The following RAD50 variants were observed in gnomAD, a reference collection of about 807,000 sequenced individuals.
RAD50 encodes DNA repair protein RAD50.
In RAD50, 132 loss-of-function variants were observed where a neutral mutation model predicts 168.8. That is an observed-to-expected ratio of 0.78 (90% confidence interval 0.68 to 0.90). RAD50 has a LOEUF of 0.90. Among genes scored for constraint, RAD50 ranks in the 40% least tolerant of loss-of-function variants. The pLI is 0.00. For missense variants in RAD50, 1,347 were observed against 1,534.4 expected (o/e 0.88, Z 2.04); for synonymous variants, 525 against 497.4 (o/e 1.06, Z -0.74).
intron 2 of RAD50, among the ~76,000 whole-genome samples, chr5:132,559,594 T>TC (rs761647666): frequency 5.8e-4 from 89 of 152,326 alleles, no homozygotes; most frequent in Non-Finnish European, 1.0e-3. Context: ...TGGGTTTTTT[T>TC]CCCCACTTAA....
chr5:132,591,753 A>G (rs936334323), intron 10 of RAD50, 124 bp from the exon 11 acceptor site: 68 of 758,220 alleles, frequency 9.0e-5, no homozygotes, highest in Non-Finnish European at 1.3e-4. Context: ...GAAATTTTAT[A>G]TTTTATTTTC....
At chr5:132,586,183 T>C (rs1418205144) in intron 5 of RAD50, among the ~76,000 whole-genome samples, 3 of 152,172 alleles carry the variant, frequency 2.0e-5, no homozygotes, top group African/African-American at 7.2e-5. Flanking sequence ...AAAGTTGAGG[T>C]TTACTTTCTT....
Position 132,579,983 on chromosome 5 carries a change from G to A in RAD50, c.673G>A (p.Asp225Asn), listed in dbSNP as rs587780159. The change falls in exon 5 of 25, where the codon GAT becomes AAT. Residue 225 changes from aspartate (D) to asparagine (N), a missense_variant. Asp to Asn is a conservative substitution (Grantham distance 23). Coordinates refer to ENST00000378823, the MANE Select transcript of RAD50 (RefSeq NM_005732.4). ...QYKEKACEIRDQITSKEAQLT... is the reference protein window; with the variant it reads ...QYKEKACEIRNQITSKEAQLT... ...TAAGGAAAAAGCTTGTGAGATTCGT[G>A]ATCAGATTACAAGTAAGGAAGCCCA... The A allele has an allele frequency of 1.1e-5, 17 of 1,613,064 alleles. No homozygotes were observed. Among genetic ancestry groups the A allele is most frequent in the Admixed American group, 1.0e-4 (6 of 60,016 alleles).
At chr5:132,593,394 A>G (rs889501285) in intron 11 of RAD50, 6 of 152,354 alleles carry the variant, frequency 3.9e-5, no homozygotes, top group African/African-American at 1.2e-4. Context: ...TATAATACAC[A>G]TTTTCCATGA....
rs926884281 is a variant in RAD50 at position 132,642,986 on chromosome 5, T to G, written c.*622T>G. ...TAAGTCAGTACCCACCACCTTCTTCTCCTACATATCCCTTCCAGATGGTCA... is the reference window on the plus strand; with the variant it reads ...TAAGTCAGTACCCACCACCTTCTTCGCCTACATATCCCTTCCAGATGGTCA... On this transcript the variant is annotated 3_prime_UTR_variant, in exon 25 of 25. Transcript: ENST00000378823. The G allele has an allele frequency of 2.5e-5, 13 of 525,826 alleles. No individual in the cohort carries two copies. Among genetic ancestry groups the G allele is most frequent in the Admixed American group, 6.8e-5 (3 of 44,236 alleles). The allele number at this position is 525,826 out of a possible 1,614,324, so 32.6% of individuals were successfully genotyped here.
chr5:132,629,084 A>G (rs1751418307), intron 21 of RAD50, among the ~76,000 whole-genome samples: 2 of 152,208 alleles, frequency 1.3e-5, no homozygotes, highest in Admixed American at 1.3e-4. Context: ...TTCACTGAAT[A>G]GAAAAACATA....
intron 21 of RAD50, among the ~76,000 whole-genome samples, chr5:132,619,883 T>TAG (rs1279519668): frequency 0.029 from 3,583 of 124,072 alleles, 67 homozygotes; most frequent in African/African-American, 0.035. Context: ...TATATATATA[T>TAG]ATAGAGAGAG....
intron 23 of RAD50, among the ~76,000 whole-genome samples, 182 bp from the exon 24 acceptor site, chr5:132,640,490 C>T (rs1751694458): frequency 6.6e-6 from 1 of 152,178 alleles, no homozygotes; most frequent in Non-Finnish European, 1.5e-5. Context: ...GCAGGTTCTC[C>T]TTCTGGAGGA....
At chr5:132,565,653 C>A (rs956700020) in intron 2 of RAD50, among the ~76,000 whole-genome samples, 1 of 152,136 alleles carries the variant, frequency 6.6e-6, no homozygotes, top group East Asian at 1.9e-4. Context: ...TCTTCTCAGT[C>A]TGATACTTTA....
rs561566759 is a variant in RAD50 at position 132,558,361 on chromosome 5, C to T, written c.129+908C>T. Among the ~76,000 whole-genome samples the T allele has an allele frequency of 1.8e-4, 27 of 152,118 alleles. No homozygotes were observed. The East Asian group carries it at 2.7e-3, about 15-fold the overall frequency. ...CATTTATTAGTTGTCTGATTGTTTG[C>T]GAGTGACCTCACTGCTCTGTGCCTT... On this transcript the variant is annotated intron_variant, in intron 1 of 24. Coordinates refer to ENST00000378823, the MANE Select transcript of RAD50 (RefSeq NM_005732.4).
At position 132,643,889 on chromosome 5, in the gene RAD50, GA is replaced by G. The variant is rs1161587895; in HGVS notation, c.*1532del. 2 of 230,988 alleles carry G rather than the reference GA, an allele frequency of 8.7e-6. No homozygotes were observed. Among genetic ancestry groups the G allele is most frequent in the African/African-American group, 2.2e-5 (1 of 44,750 alleles). The allele number at this position is 230,988 out of a possible 1,614,324, so 14.3% of individuals were successfully genotyped here. A position where few individuals can be genotyped will look rare whatever the true frequency, so the allele number is the denominator to read the frequency against. On this transcript the variant is annotated 3_prime_UTR_variant, in exon 25 of 25. Transcript: ENST00000378823. The stretch of plus-strand genomic sequence containing the variant: ...CCATCACTATAATAAAACCGAAGGT[GA>G]AAAAAATTCTGAAAAAATTCTAGCA...
Position 132,578,553 on chromosome 5 carries a change from CAG to C in RAD50, c.366-761_366-760del, listed in dbSNP as rs1156282205. ...TTTTTTTTTTTTTTTTTTTTTGAGACAGAGTTTCGCTCTTGTTTCCCAGGCTG... is the reference window on the plus strand; with the variant it reads ...TTTTTTTTTTTTTTTTTTTTTGAGACAGTTTCGCTCTTGTTTCCCAGGCTG... On this transcript the variant is annotated intron_variant, in intron 3 of 24. Transcript: ENST00000378823. Among the ~76,000 whole-genome samples, 6 of 84,916 alleles carry C rather than the reference CAG, an allele frequency of 7.1e-5. No homozygotes were observed. In the Admixed American group the frequency reaches 8.1e-4, roughly 11 times the overall value. 55.7% of individuals were successfully genotyped at this position (84,916 alleles called of 152,430 possible). A position where few individuals can be genotyped will look rare whatever the true frequency, so the allele number is the denominator to read the frequency against.
At chr5:132,596,920 G>T (rs543649613) in intron 13 of RAD50, among the ~76,000 whole-genome samples, 14 of 152,306 alleles carry the variant, frequency 9.2e-5, no homozygotes, top group African/African-American at 3.4e-4. Flanking sequence ...TCAGAACACG[G>T]TGCAAAGGGA....
chr5:132,605,012 A>C lies in RAD50; in HGVS notation c.2718+13A>C. ...CAGAGAGATAAAGGTAAGAATATCC[A>C]TACATGTTTTTTGTAAAATTATTTT... On this transcript the variant is annotated intron_variant, in intron 16 of 24. Transcript: ENST00000378823. 7.2e-6 allele frequency: 11 copies of C among 1,524,830 alleles called. No homozygotes were observed. Among genetic ancestry groups the C allele is most frequent in the Non-Finnish European group, 9.8e-6 (11 of 1,122,368 alleles). The allele number at this position is 1,524,830 out of a possible 1,614,324, so 94.5% of individuals were successfully genotyped here.
chr5:132,556,978 C>T lies in RAD50; in HGVS notation c.-347C>T, dbSNP rs36229533. On this transcript the variant is annotated 5_prime_UTR_variant, in exon 1 of 25. It adds an upstream start codon to the 5' untranslated region. Transcript: ENST00000378823. ...GGACGCGTGCGGGCCTAGAGGCCCA[C>T]GTGATCCGCAGGGCGGCCGAGGCAG... 67 of 952,764 alleles carry T rather than the reference C, an allele frequency of 7.0e-5. 1 individual carries two copies. In the East Asian group the frequency reaches 1.7e-3, roughly 24 times the overall value. 59.0% of individuals were successfully genotyped at this position (952,764 alleles called of 1,614,324 possible).
At position 132,613,722 on chromosome 5, in the gene RAD50, A is replaced by G. The variant is rs1188952129; in HGVS notation, c.3037-2281A>G. Among the ~76,000 whole-genome samples the G allele has an allele frequency of 4.0e-5, 6 of 150,604 alleles. No homozygotes were observed. The South Asian group carries it at 1.1e-3, about 26-fold the overall frequency. On this transcript the variant is annotated intron_variant, in intron 19 of 24. Coordinates refer to ENST00000378823, the MANE Select transcript of RAD50 (RefSeq NM_005732.4). ...GGGTTCAAGTGATTCTCCTGCCTCA[A>G]CCTGCCTGGGGCTACAGGCGAGTGC... is the stretch of plus-strand genomic sequence containing the variant.
At chr5:132,625,527 A>G (rs1751360232) in intron 21 of RAD50, among the ~76,000 whole-genome samples, 1 of 152,238 alleles carries the variant, frequency 6.6e-6, no homozygotes, top group African/African-American at 2.4e-5. Context: ...CCATCACCTC[A>G]AGCATTTATC....
rs934845753 is a variant in RAD50, at chr5:132,604,981, T to G, written c.2700T>G (p.Ser900=). ...QTVELSTEVQ[S]LYREIKDAKE... Reference sequence around the variant, plus strand: ...TGGAATTATCCACTGAAGTTCAGTCTTTGTACAGAGAGATAAAGGTAAGAA... The same window carrying G: ...TGGAATTATCCACTGAAGTTCAGTCGTTGTACAGAGAGATAAAGGTAAGAA... The change falls in exon 16 of 25, where the codon TCT becomes TCG. Residue 900 remains serine, a synonymous_variant. Transcript: ENST00000378823. 1.2e-6 allele frequency: 2 copies of G among 1,611,462 alleles called. No individual in the cohort carries two copies. Among genetic ancestry groups the G allele is most frequent in the Non-Finnish European group, 1.7e-6 (2 of 1,177,736 alleles).
At position 132,642,585 on chromosome 5, in the gene RAD50, C is replaced by CA. The variant is rs1308162396; in HGVS notation, c.*222dup. The CA allele has an allele frequency of 3.4e-6, 2 of 580,280 alleles. No homozygotes were observed. The highest frequency in any genetic ancestry group is 6.0e-6 in the Non-Finnish European group (2 of 331,212). 35.9% of individuals were successfully genotyped at this position (580,280 alleles called of 1,614,324 possible). ...TGATTTGCTGCTCTTCATCCCATTC[C>CA]AGGCAGCCTCTGTCAGGCCTTCAGG... On this transcript the variant is annotated 3_prime_UTR_variant, in exon 25 of 25. Transcript: ENST00000378823.
Sources: allele counts gnomAD v4.1 joint callset (sites outside exome capture counted in the v4.1 genomes callset), GRCh38; gene constraint gnomAD v4.1.1; transcripts MANE v1.5; gene names NCBI Gene and HGNC (gene_info 2026-07-23, HGNC 2026-07-21).